CADM2: variants seen among roughly 807,000 people sequenced by gnomAD.
CADM2 encodes immunoglobulin superfamily member 4D.
A neutral mutation model predicts 49.8 loss-of-function variants in CADM2; 12 were observed. The observed-to-expected ratio is 0.24, with a 90% CI of 0.15 to 0.39. The LOEUF is 0.39. Ranked by LOEUF, CADM2 falls within the 10% of genes least tolerant of loss-of-function variation. The pLI is 1.00. For missense variants in CADM2, 378 were observed against 492.3 expected (o/e 0.77, Z 2.20); for synonymous variants, 214 against 175.4 (o/e 1.22, Z -1.74).
chr3:85,190,895 A>C (rs1464556204), intron 1 of CADM2, among the ~76,000 whole-genome samples: 1 of 152,164 alleles, frequency 6.6e-6, no homozygotes, highest in Admixed American at 6.6e-5. Context: ...TTAATTAGTG[A>C]AGTACATGTA....
chr3:85,153,631 G>A (rs1416654663), intron 1 of CADM2, among the ~76,000 whole-genome samples: 3 of 152,244 alleles, frequency 2.0e-5, no homozygotes, highest in African/African-American at 7.2e-5. Flanking sequence ...CCATCTCTGG[G>A]GGCAGGGCAC....
chr3:85,499,143 TAAC>T (rs982835051), intron 1 of CADM2, among the ~76,000 whole-genome samples: 2 of 152,220 alleles, frequency 1.3e-5, no homozygotes, highest in South Asian at 2.1e-4. Flanking sequence ...TCAGGACTCC[TAAC>T]AACAACAATT....
At chr3:85,348,354 A>G (rs1482556688) in intron 1 of CADM2, among the ~76,000 whole-genome samples, 1 of 152,168 alleles carries the variant, frequency 6.6e-6, no homozygotes, top group Non-Finnish European at 1.5e-5. Flanking sequence ...CTTAAATGTT[A>G]ATCTTATCCC....
At chr3:85,943,979 A>C (rs1722309449) in intron 7 of CADM2, among the ~76,000 whole-genome samples, 1 of 152,080 alleles carries the variant, frequency 6.6e-6, no homozygotes, top group African/African-American at 2.4e-5. Flanking sequence ...CACACTGGCA[A>C]ATTGGATAAA....
intron 1 of CADM2, among the ~76,000 whole-genome samples, chr3:85,252,984 A>G (rs1359498573): frequency 6.6e-6 from 1 of 152,048 alleles, no homozygotes; most frequent in Non-Finnish European, 1.5e-5. Flanking sequence ...TTCTTTTCCT[A>G]ATACAATAAA....
chr3:85,034,493 C>T (rs948851858), intron 1 of CADM2, among the ~76,000 whole-genome samples: 2 of 152,090 alleles, frequency 1.3e-5, no homozygotes, highest in Non-Finnish European at 2.9e-5. Context: ...TTTATCTATT[C>T]ATATGCTGAT....
intron 8 of CADM2, among the ~76,000 whole-genome samples, chr3:86,004,017 A>G (rs1300908957): frequency 1.3e-5 from 2 of 152,192 alleles, no homozygotes; most frequent in Non-Finnish European, 1.5e-5. Context: ...TCTGGGCCAC[A>G]TGCAGACCAT....
chr3:85,646,348 A>G (rs1156547289), intron 1 of CADM2, among the ~76,000 whole-genome samples: 2 of 151,986 alleles, frequency 1.3e-5, no homozygotes, highest in African/African-American at 4.8e-5. Flanking sequence ...AAAATCCTCA[A>G]AACTTGGTTT....
chr3:85,622,723 G>A (rs2064011489), intron 1 of CADM2, among the ~76,000 whole-genome samples: 1 of 151,988 alleles, frequency 6.6e-6, no homozygotes, highest in African/African-American at 2.4e-5. Flanking sequence ...GAATATCCCA[G>A]CCCCGCTACC....
intron 1 of CADM2, among the ~76,000 whole-genome samples, chr3:85,317,895 A>G (rs970332153): frequency 1.3e-5 from 2 of 152,368 alleles, no homozygotes; most frequent in Non-Finnish European, 2.9e-5. Flanking sequence ...TAGAATAAGA[A>G]GGTTTGACAT....
chr3:85,394,979 A>G (rs994148079), intron 1 of CADM2, among the ~76,000 whole-genome samples: 6 of 152,172 alleles, frequency 3.9e-5, no homozygotes, highest in Admixed American at 6.5e-5. Flanking sequence ...ATATCGTAAC[A>G]TTTAATGTAT....
chr3:85,886,943 G>A (rs967081006), intron 5 of CADM2, among the ~76,000 whole-genome samples: 1 of 151,836 alleles, frequency 6.6e-6, no homozygotes, highest in Admixed American at 6.6e-5. Context: ...GAGATGGCTT[G>A]GTATTTAAGT....
rs1418415873 is a variant in CADM2, at chr3:85,063,949, C to G, written c.61+104281C>G. 3.9e-5 allele frequency among the ~76,000 whole-genome samples: 6 copies of G among 152,174 alleles called. No individual in the cohort carries two copies. In the East Asian group the frequency reaches 1.2e-3, roughly 29 times the overall value. On this transcript the variant is annotated intron_variant, in intron 1 of 9. Coordinates refer to ENST00000383699, the MANE Select transcript of CADM2 (RefSeq NM_001167675.2). ...AATATATTTAGTAATTTCAGGTCCC[C>G]TCCCCAGTAGGTTTCCACACTTCAG...
chr3:85,999,801 G>T (rs898171321), intron 8 of CADM2, among the ~76,000 whole-genome samples: 2 of 152,090 alleles, frequency 1.3e-5, no homozygotes, highest in African/African-American at 4.8e-5. Flanking sequence ...TTTAAAAGTC[G>T]ATGGGACATA....
intron 1 of CADM2, among the ~76,000 whole-genome samples, chr3:85,273,676 A>G (rs2043296163): frequency 6.6e-6 from 1 of 150,544 alleles, no homozygotes; most frequent in South Asian, 2.1e-4. Flanking sequence ...TTGGGAAAGA[A>G]GATTAGAATT....
At chr3:85,470,268 G>A (rs545162677) in intron 1 of CADM2, among the ~76,000 whole-genome samples, 2 of 152,218 alleles carry the variant, frequency 1.3e-5, no homozygotes, top group African/African-American at 4.8e-5. Flanking sequence ...ATCTTAAGGT[G>A]GTGATGCAAA....
intron 1 of CADM2, chr3:84,959,978 C>T: frequency 2.0e-6 from 1 of 506,962 alleles, no homozygotes; most frequent in South Asian, 2.5e-5. Flanking sequence ...TTTTGGCTGG[C>T]AACTTGTGCC....
chr3:85,938,124 A>G (rs561923161), intron 7 of CADM2, among the ~76,000 whole-genome samples: 1 of 152,176 alleles, frequency 6.6e-6, no homozygotes, highest in East Asian at 1.9e-4. Flanking sequence ...TCTTAAATAA[A>G]CTTCTCTATA....
chr3:85,463,711 G>A (rs1189706065), intron 1 of CADM2, among the ~76,000 whole-genome samples: 1 of 152,010 alleles, frequency 6.6e-6, no homozygotes, highest in Non-Finnish European at 1.5e-5. Context: ...CTTTAAAAAT[G>A]GTGTGGAAAA....
Sources: allele counts gnomAD v4.1 joint callset (sites outside exome capture counted in the v4.1 genomes callset), GRCh38; gene constraint gnomAD v4.1.1; transcripts MANE v1.5; gene names NCBI Gene and HGNC (gene_info 2026-07-23, HGNC 2026-07-21).